Variants in MTHFD2L observed in about 807,000 individuals in gnomAD.
MTHFD2L encodes the protein bifunctional methylenetetrahydrofolate dehydrogenase/cyclohydrolase 2, mitochondrial.
Under a neutral mutation model 34.9 loss-of-function variants are expected in MTHFD2L, and 29 were observed. The observed-to-expected ratio is 0.83, with a 90% confidence interval of 0.62 to 1.13. MTHFD2L has a LOEUF of 1.13. Among genes scored for constraint, MTHFD2L ranks in the 50% most tolerant of loss-of-function variants. The probability of loss-of-function intolerance (pLI) is 0.00; values close to 1 mark genes in which losing one functional copy is unlikely to be tolerated. For missense variants in MTHFD2L, 481 were observed against 446.5 expected (o/e 1.08, Z -0.70); for synonymous variants, 167 against 155.7 (o/e 1.07, Z -0.54).
At chr4:74,198,796 A>G (rs1394746208) in intron 3 of MTHFD2L, among the ~76,000 whole-genome samples, 2 of 152,152 alleles carry the variant, frequency 1.3e-5, no homozygotes, top group African/African-American at 2.4e-5. Context: ...CCAAAGACTC[A>G]GTTTCTATTT....
chr4:74,166,888 A>G (rs1282641346), intron 1 of MTHFD2L, among the ~76,000 whole-genome samples: 5 of 152,156 alleles, frequency 3.3e-5, no homozygotes, highest in African/African-American at 1.2e-4. Context: ...CCATGGTTCT[A>G]GGTACCAGGT....
intron 6 of MTHFD2L, among the ~76,000 whole-genome samples, chr4:74,277,805 ATTTGTTTGTTTG>A (rs112943918): frequency 3.3e-5 from 5 of 151,276 alleles, no homozygotes; most frequent in Admixed American, 6.6e-5. Flanking sequence ...AGGTGTATGC[ATTTGTTTGTTTG>A]TTTGTTTGTT....
chr4:74,267,683 C>T (rs775873173), intron 6 of MTHFD2L: 157 of 982,968 alleles, frequency 1.6e-4, no homozygotes, highest in Non-Finnish European at 1.6e-4. Context: ...GATCCTCCCA[C>T]CTTGGCCTCT....
chr4:74,218,983 AAAAT>A (rs761063039), intron 5 of MTHFD2L, among the ~76,000 whole-genome samples: 2 of 152,178 alleles, frequency 1.3e-5, no homozygotes, highest in East Asian at 1.9e-4. Context: ...AATAACAACA[AAAAT>A]AATATAAAAA....
chr4:74,233,349 G>A (rs184956706), intron 6 of MTHFD2L, among the ~76,000 whole-genome samples: 1 of 152,000 alleles, frequency 6.6e-6, no homozygotes, highest in African/African-American at 2.4e-5. Flanking sequence ...AAGTAAAGAG[G>A]GTTTGGTTTT....
At chr4:74,198,123 A>G (rs1733796453) in intron 3 of MTHFD2L, among the ~76,000 whole-genome samples, 1 of 152,200 alleles carries the variant, frequency 6.6e-6, no homozygotes, top group South Asian at 2.1e-4. Context: ...GATCTGAATT[A>G]TGATCTGAGT....
chr4:74,166,333 CTG>C (rs1228953502), intron 1 of MTHFD2L, among the ~76,000 whole-genome samples: 1 of 152,178 alleles, frequency 6.6e-6, no homozygotes, highest in Non-Finnish European at 1.5e-5. Context: ...GTCTTTGCCT[CTG>C]TTGTTAAATG....
chr4:74,212,123 TAA>T (rs201879436), intron 5 of MTHFD2L, among the ~76,000 whole-genome samples: 4 of 151,866 alleles, frequency 2.6e-5, no homozygotes, highest in African/African-American at 9.7e-5. Flanking sequence ...TTGTTAATCT[TAA>T]AAAAAATAGC....
At chr4:74,246,775 G>A (rs758625609) in intron 6 of MTHFD2L, among the ~76,000 whole-genome samples, 5 of 152,164 alleles carry the variant, frequency 3.3e-5, no homozygotes, top group African/African-American at 1.2e-4. Context: ...GTTTGTCAAA[G>A]ATCAGATAGG....
At chr4:74,244,531 G>A (rs562030771) in intron 6 of MTHFD2L, among the ~76,000 whole-genome samples, 57 of 152,250 alleles carry the variant, frequency 3.7e-4, no homozygotes, top group African/African-American at 1.3e-3. Flanking sequence ...TTTTTCTCAT[G>A]AGATCAATAG....
At chr4:74,167,403 A>C (rs1033531578) in intron 1 of MTHFD2L, among the ~76,000 whole-genome samples, 2 of 152,268 alleles carry the variant, frequency 1.3e-5, no homozygotes, top group African/African-American at 4.8e-5. Flanking sequence ...GAAACCTGGC[A>C]CCACAAAAAG....
intron 7 of MTHFD2L, among the ~76,000 whole-genome samples, chr4:74,285,223 C>T (rs765326611): frequency 2.0e-5 from 3 of 151,796 alleles, no homozygotes; most frequent in Admixed American, 1.3e-4. Flanking sequence ...GATAGCATTA[C>T]GAGATATACC....
At chr4:74,229,045 AC>A (rs1739623820) in intron 6 of MTHFD2L, among the ~76,000 whole-genome samples, 1 of 152,220 alleles carries the variant, frequency 6.6e-6, no homozygotes, top group East Asian at 1.9e-4. Context: ...CTTACTAAAT[AC>A]AAAAGTATGT....
At chr4:74,275,954 A>G (rs1312329912) in intron 6 of MTHFD2L, among the ~76,000 whole-genome samples, 1 of 152,076 alleles carries the variant, frequency 6.6e-6, no homozygotes, top group Admixed American at 6.6e-5. Flanking sequence ...TAGTTTATTT[A>G]CATCCCATTT....
chr4:74,290,998 CTTTTCTTTTTT>C (rs1748837096), intron 7 of MTHFD2L, among the ~76,000 whole-genome samples: 2 of 46,156 alleles, frequency 4.3e-5, no homozygotes, highest in African/African-American at 1.3e-4. Context: ...TTTATTTTTC[CTTTTCTTTTTT>C]TTTTTTTTTT....
chr4:74,200,616 C>T (rs974615833), intron 4 of MTHFD2L, among the ~76,000 whole-genome samples: 22 of 152,130 alleles, frequency 1.4e-4, no homozygotes, highest in Non-Finnish European at 2.2e-4. Context: ...AATGCTCTCA[C>T]AGACTCTTAC....
chr4:74,237,090 C>T (rs1185996209), intron 6 of MTHFD2L, among the ~76,000 whole-genome samples: 1 of 152,058 alleles, frequency 6.6e-6, no homozygotes, highest in East Asian at 1.9e-4. Flanking sequence ...AGTCCTCTCT[C>T]AATCATATTG....
intron 6 of MTHFD2L, among the ~76,000 whole-genome samples, chr4:74,230,741 G>A (rs1739916438): frequency 6.6e-6 from 1 of 152,148 alleles, no homozygotes; most frequent in African/African-American, 2.4e-5. Flanking sequence ...CTTTGCACAA[G>A]CTACTGATAA....
intron 6 of MTHFD2L, among the ~76,000 whole-genome samples, chr4:74,233,765 T>G (rs1740439251): frequency 1.3e-5 from 2 of 151,936 alleles, no homozygotes; most frequent in African/African-American, 4.8e-5. Flanking sequence ...AAAGTTTTAT[T>G]TTTTTTTCTT....
Sources: gnomAD v4.1 joint callset for allele counts (sites outside exome capture counted in the v4.1 genomes callset) on GRCh38, gnomAD v4.1.1 for gene constraint, MANE v1.5 for transcripts, NCBI Gene and HGNC (gene_info 2026-07-23, HGNC 2026-07-21) for gene names.